The following TAF1 variants were observed in gnomAD, a reference collection of about 807,000 sequenced individuals.
TAF1 encodes TATA-box binding protein associated factor 1.
TAF1 carries 2 observed loss-of-function variants against 138.5 expected under a neutral mutation model. That is an observed-to-expected ratio of 0.01 (90% CI 0.01 to 0.05). TAF1 has a LOEUF of 0.05. Among genes scored for constraint, TAF1 ranks in the 10% least tolerant of loss-of-function variants. The pLI is 1.00. For missense variants in TAF1, 709 were observed against 1,478.0 expected (o/e 0.48, Z 8.53); for synonymous variants, 437 against 503.2 (o/e 0.87, Z 1.76).
intron 13 of TAF1, among the ~76,000 whole-genome samples, chrX:71,476,372 A>G (rs2038980071): frequency 9.0e-6 from 1 of 111,233 alleles, no homozygotes; most frequent in African/African-American, 3.3e-5. Flanking sequence ...GTGGTGGCTC[A>G]TGCCTGTAAT....
intron 32 of TAF1, among the ~76,000 whole-genome samples, chrX:71,424,876 C>T (rs973779217): frequency 4.5e-5 from 5 of 112,163 alleles, no homozygotes; most frequent in Non-Finnish European, 7.5e-5. Context: ...CCACCTGCCT[C>T]AGCCTCCCAA....
At chrX:71,409,879 A>G (rs1163274195) in intron 28 of TAF1, among the ~76,000 whole-genome samples, 1 of 108,952 alleles carries the variant, frequency 9.2e-6, no homozygotes, top group African/African-American at 3.3e-5. Context: ...TTTCCAGACC[A>G]ACTCATATTA....
intron 13 of TAF1, among the ~76,000 whole-genome samples, chrX:71,471,330 A>AT (rs1358146393): frequency 1.6e-3 from 168 of 103,265 alleles, no homozygotes; most frequent in East Asian, 4.5e-3. Context: ...AAAAAAAAAA[A>AT]AAATATATAT....
intron 32 of TAF1, among the ~76,000 whole-genome samples, chrX:71,444,750 TTTTTTTC>T (rs2037604702): frequency 9.1e-6 from 1 of 109,554 alleles, no homozygotes; most frequent in African/African-American, 3.3e-5. Context: ...TCTCTCTCTT[TTTTTTTC>T]TTTTTTTGAG....
At chrX:71,528,703 G>T in exon 14 of TAF1, 1 of 330,854 alleles carries the variant, frequency 3.0e-6, no homozygotes, top group South Asian at 2.6e-5. Context: ...CTGACTTCAA[G>T]AATGAAGCCG....
intron 13 of TAF1, among the ~76,000 whole-genome samples, chrX:71,503,128 G>A (rs2039541398): frequency 9.5e-6 from 1 of 105,340 alleles, no homozygotes; most frequent in African/African-American, 3.5e-5. Context: ...AAAATTAGCC[G>A]GGTGTGGTGG....
intron 13 of TAF1, among the ~76,000 whole-genome samples, chrX:71,514,500 G>A (rs1304363479): frequency 4.6e-5 from 5 of 108,148 alleles, no homozygotes; most frequent in African/African-American, 1.7e-4. Context: ...ACATGTAGGC[G>A]GGGGCCTGAG....
rs913240756 is a variant in TAF1 at position 71,386,500 on chromosome X, T to C, written c.2227-761T>C. 1.5e-4 allele frequency among the ~76,000 whole-genome samples: 17 copies of C among 112,543 alleles called. 1 individual carries two copies. The highest frequency in any genetic ancestry group is 4.6e-3 in the Middle Eastern group (1 of 216). On this transcript the variant is annotated intron_variant, in intron 14 of 37. Transcript: ENST00000423759. Reference sequence around the variant, plus strand: ...TTTGTTTGGAGATAGGGTCTGGCTCTGTGACCCAGGCTGGAGTGCAGTGGC... The same window carrying C: ...TTTGTTTGGAGATAGGGTCTGGCTCCGTGACCCAGGCTGGAGTGCAGTGGC...
At chrX:71,441,430 A>T (rs1206444493) in intron 32 of TAF1, among the ~76,000 whole-genome samples, 2 of 110,818 alleles carry the variant, frequency 1.8e-5, no homozygotes, top group Non-Finnish European at 3.8e-5. Flanking sequence ...CAGTTTTTAA[A>T]TTTTTTAAAT....
downstream of TAF1, among the ~76,000 whole-genome samples, chrX:71,467,710 G>A (rs746763123): frequency 7.2e-5 from 8 of 111,726 alleles, no homozygotes; most frequent in Non-Finnish European, 1.3e-4. Context: ...AGGGTAGGTG[G>A]TAGTATGCCT....
At chrX:71,491,381 A>G (rs896297310) in intron 13 of TAF1, among the ~76,000 whole-genome samples, 35 of 110,760 alleles carry the variant, frequency 3.2e-4, no homozygotes, top group African/African-American at 1.1e-3. Flanking sequence ...AAACAGTGGG[A>G]AAAACAGGTT....
At chrX:71,523,709 T>C (rs1164306813) in intron 13 of TAF1, among the ~76,000 whole-genome samples, 1 of 111,773 alleles carries the variant, frequency 8.9e-6, no homozygotes, top group Non-Finnish European at 1.9e-5. Flanking sequence ...CATAGTATCA[T>C]AAGGAAAACT....
intron 25 of TAF1, 55 bp downstream of exon 25, chrX:71,401,794 T>C: frequency 9.1e-7 from 1 of 1,104,671 alleles, no homozygotes; most frequent in Non-Finnish European, 1.2e-6. Context: ...AGGTTGGTTA[T>C]ATTGGTGGCT....
At chrX:71,366,552 G>T (rs773970755) in intron 1 of TAF1, 58 bp downstream of exon 1, 3 of 1,046,088 alleles carry the variant, frequency 2.9e-6, no homozygotes, top group Admixed American at 6.4e-5. Flanking sequence ...GAGGAAGGAG[G>T]TGCGGGGAGG....
intron 13 of TAF1, among the ~76,000 whole-genome samples, chrX:71,497,889 GT>G (rs750375356): frequency 8.9e-6 from 1 of 111,753 alleles, no homozygotes; most frequent in East Asian, 2.8e-4. Flanking sequence ...ATGTCCTAGG[GT>G]GAGGATAAGC....
intron 22 of TAF1, among the ~76,000 whole-genome samples, chrX:71,395,830 A>C (rs1216916614): frequency 9.0e-6 from 1 of 111,370 alleles, no homozygotes; most frequent in African/African-American, 3.3e-5. Flanking sequence ...GAAATGTGGA[A>C]TCTCAGGCCT....
chrX:71,377,332 TATTAGG>T (rs2033548753), intron 5 of TAF1, 141 bp downstream of exon 5: 1 of 945,806 alleles, frequency 1.1e-6, no homozygotes, highest in Admixed American at 3.6e-5. Flanking sequence ...CTTCACACTG[TATTAGG>T]TCTTTTTTTT....
intron 28 of TAF1, chrX:71,420,022 C>CTT (rs1311886714): frequency 6.3e-5 from 15 of 238,826 alleles, no homozygotes; most frequent in South Asian, 4.6e-4. Context: ...TTTTTTAATT[C>CTT]TTTTTTTTTT....
At chrX:71,507,011 A>G (rs1325004574) in intron 13 of TAF1, among the ~76,000 whole-genome samples, 2 of 112,184 alleles carry the variant, frequency 1.8e-5, no homozygotes, top group Non-Finnish European at 3.8e-5. Context: ...TTAAATATCC[A>G]GAATAGATAA....
Sources: allele counts gnomAD v4.1 joint callset (sites outside exome capture counted in the v4.1 genomes callset), GRCh38; gene constraint gnomAD v4.1.1; transcripts MANE v1.5; gene names NCBI Gene and HGNC (gene_info 2026-07-23, HGNC 2026-07-21).